SPTBN4: variants seen among roughly 807,000 people sequenced by gnomAD.
SPTBN4 encodes the protein spectrin beta chain, non-erythrocytic 4.
SPTBN4 carries 96 observed loss-of-function variants against 277.8 expected under a neutral mutation model. That is an observed-to-expected ratio of 0.35 (90% CI 0.29 to 0.41). The LOEUF is 0.41. SPTBN4 is among the 10% of genes least tolerant of loss of function. The pLI, the probability that SPTBN4 is intolerant of heterozygous loss-of-function variation, is 1.00. For missense variants in SPTBN4, 3,006 were observed against 3,595.7 expected (o/e 0.84, Z 4.19); for synonymous variants, 1,481 against 1,580.3 (o/e 0.94, Z 1.49).
At chr19:40,469,555 G>A (rs1002640710) in intron 1 of SPTBN4, among the ~76,000 whole-genome samples, 5 of 152,006 alleles carry the variant, frequency 3.3e-5, no homozygotes, top group African/African-American at 1.2e-4. Flanking sequence ...GAGCCACCAC[G>A]CCCAGCCGTT....
Position 40,557,418 on chromosome 19 carries a change from G to T in SPTBN4, c.5670+15G>T, listed in dbSNP as rs2080994231. On this transcript the variant is annotated intron_variant, in intron 26 of 35. Coordinates refer to ENST00000598249, the MANE Select transcript of SPTBN4 (RefSeq NM_020971.3). ...TCGTGTCCCAGGTGGGGCGCCGGTG[G>T]CCATCAGGGCAGGTGGGAGGGCCTG... is the stretch of plus-strand genomic sequence containing the variant. The T allele has an allele frequency of 6.5e-7, 1 of 1,543,122 alleles. No homozygotes were observed. The highest frequency in any genetic ancestry group is 8.8e-7 in the Non-Finnish European group (1 of 1,142,442).
chr19:40,552,617 TAGGG>T (rs1257881987), intron 22 of SPTBN4, among the ~76,000 whole-genome samples: 1 of 152,144 alleles, frequency 6.6e-6, no homozygotes, highest in Non-Finnish European at 1.5e-5. Flanking sequence ...GTTGGAAGAA[TAGGG>T]CACTGAAGGA....
rs1215904494 is a variant in SPTBN4 at position 40,555,129 on chromosome 19, A to G, written c.5084+483A>G. On this transcript the variant is annotated intron_variant, in intron 24 of 35. Transcript: ENST00000598249. ...AGGTACAGAGAGAGACCTCTGTCCA[A>G]GTGGGCTCAGAGATTGGGGCTAGAG... 1.3e-5 allele frequency: 2 copies of G among 154,574 alleles called. 1 individual carries two copies. The highest frequency in any genetic ancestry group is 2.9e-5 in the Non-Finnish European group (2 of 69,600). 9.6% of individuals were successfully genotyped at this position (154,574 alleles called of 1,614,324 possible). A position where few individuals can be genotyped will look rare whatever the true frequency, so the allele number is the denominator to read the frequency against.
intron 20 of SPTBN4, among the ~76,000 whole-genome samples, chr19:40,537,185 T>G (rs2080747823): frequency 6.6e-6 from 1 of 152,106 alleles, no homozygotes; most frequent in Non-Finnish European, 1.5e-5. Context: ...AATTTTTGTA[T>G]TTTTAGTAGA....
rs769146610 is a variant in SPTBN4, at chr19:40,575,471, G to A, written c.7597G>A (p.Ala2533Thr). Residue 2533 changes from alanine to threonine, a missense_variant, in exon 36 of 36, where the codon GCC (alanine) becomes ACC (threonine). By Grantham distance (58) the Ala-to-Thr change is moderately conservative (BLOSUM62 0). This residue lies in a region of SPTBN4 where 630 missense variants were observed against 677.6 expected (regional missense o/e 0.93). Coordinates refer to ENST00000598249, the MANE Select transcript of SPTBN4 (RefSeq NM_020971.3). ...CTCGGTGGCGGAACACGCAGAGATC[G>A]CCCGCTGGGGCCAGACACTACCCAC... Reference protein sequence around the residue: ...ASSVAEHAEIARWGQTLPTTS... With the variant: ...ASSVAEHAEITRWGQTLPTTS... The A allele has an allele frequency of 1.9e-6, 3 of 1,612,854 alleles. No individual in the cohort carries two copies. In the African/African-American group the frequency reaches 4.0e-5, roughly 22 times the overall value.
chr19:40,519,392 C>A lies in SPTBN4; in HGVS notation c.2904-9C>A. The A allele has an allele frequency of 6.5e-7, 1 of 1,543,900 alleles. No individual in the cohort carries two copies. Among genetic ancestry groups the A allele is most frequent in the Non-Finnish European group, 8.7e-7 (1 of 1,147,952 alleles). ...GTCCTCCTCAAGTCACTCTCTTTCC[C>A]CTGGGCAGGTGGAACCGCATCGTGG... On this transcript the variant is annotated splice_polypyrimidine_tract_variant and intron_variant, in intron 15 of 35. Transcript: ENST00000598249. This position sits in a 1 kb window ranked among gnomAD's most constrained non-coding sequence, Gnocchi z 5.7.
At chr19:40,574,465 G>A (rs1439216427) in intron 35 of SPTBN4, among the ~76,000 whole-genome samples, 1 of 151,574 alleles carries the variant, frequency 6.6e-6, no homozygotes. Flanking sequence ...GGGTTCAAGC[G>A]ACTCTCCTGC....
chr19:40,563,540 C>T (rs1336644476), intron 27 of SPTBN4, among the ~76,000 whole-genome samples: 1 of 151,852 alleles, frequency 6.6e-6, no homozygotes, highest in African/African-American at 2.4e-5. Context: ...TTTAACCTGA[C>T]ATACCCAAAG....
chr19:40,563,274 C>T (rs2081061142), intron 27 of SPTBN4, among the ~76,000 whole-genome samples: 1 of 151,822 alleles, frequency 6.6e-6, no homozygotes, highest in Admixed American at 6.6e-5. Flanking sequence ...GTCCCAGCTA[C>T]CCTGGAGGCT....
chr19:40,520,218 G>A (rs1244070512), intron 16 of SPTBN4, 67 bp downstream of exon 16: 25 of 1,310,144 alleles, frequency 1.9e-5, no homozygotes, highest in Non-Finnish European at 4.9e-6. Context: ...GCAGGGACAG[G>A]GACATGCGGG....
In SPTBN4 at chr19:40,550,229, C is replaced by T; in HGVS notation, c.4585-9C>T. The T allele has an allele frequency of 6.2e-7, 1 of 1,613,350 alleles. No individual in the cohort carries two copies. Among genetic ancestry groups the T allele is most frequent in the Non-Finnish European group, 8.5e-7 (1 of 1,179,682 alleles). On this transcript the variant is annotated splice_polypyrimidine_tract_variant and intron_variant, in intron 21 of 35. Coordinates refer to ENST00000598249, the MANE Select transcript of SPTBN4 (RefSeq NM_020971.3). ...TCTCCCCTTGACCTGCTTCCTGTGTCCTCTCCAGGCATGGGTTCAGGAGCG... is the reference window on the plus strand; with the variant it reads ...TCTCCCCTTGACCTGCTTCCTGTGTTCTCTCCAGGCATGGGTTCAGGAGCG...
intron 15 of SPTBN4, among the ~76,000 whole-genome samples, chr19:40,516,124 G>A (rs890181620): frequency 1.3e-5 from 2 of 149,556 alleles, no homozygotes; most frequent in Admixed American, 1.3e-4. Context: ...TGTAGTCCCA[G>A]CTACATGGGA....
At chr19:40,548,110 C>T (rs538418378) in intron 20 of SPTBN4, among the ~76,000 whole-genome samples, 32 of 152,310 alleles carry the variant, frequency 2.1e-4, no homozygotes, top group Non-Finnish European at 4.4e-4. Context: ...CATGAATTTT[C>T]CTGTGTATTT....
At chr19:40,487,294 C>G (rs1475992557) in intron 2 of SPTBN4, among the ~76,000 whole-genome samples, 2 of 151,268 alleles carry the variant, frequency 1.3e-5, no homozygotes, top group African/African-American at 4.9e-5. Context: ...CCCGTCTCAG[C>G]CTTCCAAAGT....
At position 40,560,632 on chromosome 19, in the gene SPTBN4, C is replaced by T; in HGVS notation, c.5915+229C>T. On this transcript the variant is annotated intron_variant, in intron 27 of 35. Transcript: ENST00000598249. This position sits in a 1 kb window ranked among gnomAD's most constrained non-coding sequence, Gnocchi z 5.2. ...GCATCCTTCTGTCCGCTGTCCTTCC[C>T]AGTTGCCTATTATTACCCTCTCCAT... 7.0e-7 allele frequency: 1 copy of T among 1,434,332 alleles called. No homozygotes were observed. The allele number at this position is 1,434,332 out of a possible 1,614,324, so 88.9% of individuals were successfully genotyped here.
intron 21 of SPTBN4, 115 bp downstream of exon 21, chr19:40,549,528 A>G: frequency 1.3e-6 from 1 of 788,596 alleles, no homozygotes; most frequent in East Asian, 3.1e-5. Flanking sequence ...TCATACGCTG[A>G]AAGACGCATT....
chr19:40,562,204 T>G (rs1158164282), intron 27 of SPTBN4, among the ~76,000 whole-genome samples: 2 of 152,030 alleles, frequency 1.3e-5, no homozygotes, highest in East Asian at 3.9e-4. Flanking sequence ...TGCGAGAGTT[T>G]AGAGCAGAGT....
rs1163183878 is a variant in SPTBN4 at position 40,576,145 on chromosome 19, G to C, written c.*576G>C. 6.6e-6 allele frequency: 1 copy of C among 152,612 alleles called. No homozygotes were observed. The allele number at this position is 152,612 out of a possible 1,614,324, so 9.5% of individuals were successfully genotyped here. On this transcript the variant is annotated 3_prime_UTR_variant, in exon 36 of 36. Coordinates refer to ENST00000598249, the MANE Select transcript of SPTBN4 (RefSeq NM_020971.3). ...AGCCATGCGGTTAATTCCTGACTTA[G>C]TTTATTTTTGCAAAACGTCGATCTC...
intron 33 of SPTBN4, 113 bp downstream of exon 33, chr19:40,570,841 G>C: frequency 8.2e-7 from 1 of 1,214,122 alleles, no homozygotes; most frequent in South Asian, 1.7e-5. Context: ...TCCAGCAGGT[G>C]GCGGTAGTAG....
Sources: gnomAD v4.1 joint callset for allele counts (sites outside exome capture counted in the v4.1 genomes callset) on GRCh38, gnomAD v4.1.1 for gene constraint, gnomAD v4.1.1 regional missense constraint, Gnocchi (gnomAD v3.1) non-coding constraint, MANE v1.5 for transcripts, NCBI Gene and HGNC (gene_info 2026-07-23, HGNC 2026-07-21) for gene names.